The following TWIST2 variants were observed in gnomAD, a reference collection of about 807,000 sequenced individuals.
The protein encoded by TWIST2 is twist-related protein 2.
Under a neutral mutation model 11.6 loss-of-function variants are expected in TWIST2, and 1 was observed. The observed-to-expected ratio is 0.09, with a 90% CI of 0.03 to 0.41. TWIST2 has a LOEUF of 0.41. TWIST2 is among the 10% of genes least tolerant of loss of function. TWIST2 has a pLI of 0.98. For synonymous variants in TWIST2, 87 were observed against 96.6 expected (o/e 0.90, Z 0.58); for missense variants, 168 against 226.4 (o/e 0.74, Z 1.66).
chr2:238,883,460 A>T (rs914947699), intron 1 of TWIST2, among the ~76,000 whole-genome samples: 20 of 152,166 alleles, frequency 1.3e-4, no homozygotes, highest in African/African-American at 4.6e-4. Flanking sequence ...TAAACAGGAA[A>T]AATAAGGGAA....
intron 1 of TWIST2, among the ~76,000 whole-genome samples, chr2:238,862,059 GAAC>G (rs1692445777): frequency 6.6e-6 from 1 of 152,184 alleles, no homozygotes; most frequent in African/African-American, 2.4e-5. Flanking sequence ...GCTGTGGACG[GAAC>G]ACCACAACCA....
intron 1 of TWIST2, among the ~76,000 whole-genome samples, chr2:238,894,725 C>T (rs1337781725): frequency 6.6e-6 from 1 of 152,152 alleles, no homozygotes; most frequent in African/African-American, 2.4e-5. Flanking sequence ...TGCCTGTGCC[C>T]ACGAGGCCCT....
chr2:238,864,252 C>T lies in TWIST2; in HGVS notation c.*35+15519C>T, dbSNP rs866464368. On this transcript the variant is annotated intron_variant, in intron 1 of 1. Transcript: ENST00000612363. The surrounding 1 kb of genome is among the most constrained non-coding windows in gnomAD (Gnocchi z 4.7). Reference sequence around the variant, plus strand: ...GTATCCTCTCTTCTCCACATTACACCCCAAGCACGCGACTGTGAGCGGCGA... The same window carrying T: ...GTATCCTCTCTTCTCCACATTACACTCCAAGCACGCGACTGTGAGCGGCGA... 1.3e-5 allele frequency among the ~76,000 whole-genome samples: 2 copies of T among 152,178 alleles called. No homozygotes were observed. Among genetic ancestry groups the T allele is most frequent in the Non-Finnish European group, 2.9e-5 (2 of 68,036 alleles).
chr2:238,862,524 A>G (rs1337964077), intron 1 of TWIST2, among the ~76,000 whole-genome samples: 1 of 152,228 alleles, frequency 6.6e-6, no homozygotes, highest in Non-Finnish European at 1.5e-5. Flanking sequence ...ATTTTTTATT[A>G]AATTGGAAAA....
At chr2:238,870,040 C>T (rs1692618167) in intron 1 of TWIST2, among the ~76,000 whole-genome samples, 1 of 145,512 alleles carries the variant, frequency 6.9e-6, no homozygotes, top group Admixed American at 6.9e-5. Context: ...CTATAGAAGA[C>T]AGTACGGAGG....
chr2:238,897,838 A>G (rs1693223684), intron 1 of TWIST2, among the ~76,000 whole-genome samples: 1 of 152,198 alleles, frequency 6.6e-6, no homozygotes, highest in Non-Finnish European at 1.5e-5. Context: ...TTGGTGGCCA[A>G]TGGTCTCTTT....
At position 238,866,869 on chromosome 2, in the gene TWIST2, C is replaced by T. The variant is rs954394147; in HGVS notation, c.*35+18136C>T. Among the ~76,000 whole-genome samples, 5 of 152,100 alleles carry T rather than the reference C, an allele frequency of 3.3e-5. No individual in the cohort carries two copies. The highest frequency in any genetic ancestry group is 6.5e-5 in the Admixed American group (1 of 15,268). Reference sequence around the variant, plus strand: ...GCGACGGTTTGTCTGCCTGTCACCCCGGGAGCACCTTCAGGACTGTGTCCT... The same window carrying T: ...GCGACGGTTTGTCTGCCTGTCACCCTGGGAGCACCTTCAGGACTGTGTCCT... On this transcript the variant is annotated intron_variant, in intron 1 of 1. Transcript: ENST00000612363. The surrounding 1 kb of genome is among the most constrained non-coding windows in gnomAD (Gnocchi z 4.9).
At chr2:238,854,591 T>C (rs1008269248) in intron 1 of TWIST2, among the ~76,000 whole-genome samples, 3 of 152,204 alleles carry the variant, frequency 2.0e-5, no homozygotes, top group African/African-American at 7.2e-5. Context: ...ATCCTTTTGC[T>C]CTCTTCCCCG....
At chr2:238,873,971 T>G (rs1692759144) in intron 1 of TWIST2, among the ~76,000 whole-genome samples, 1 of 152,106 alleles carries the variant, frequency 6.6e-6, no homozygotes, top group Non-Finnish European at 1.5e-5. Context: ...TGATCCATGT[T>G]CCATCAAGGA....
chr2:238,880,274 C>T (rs371096786), intron 1 of TWIST2, among the ~76,000 whole-genome samples: 93 of 116,352 alleles, frequency 8.0e-4, no homozygotes, highest in East Asian at 4.9e-3. Flanking sequence ...AGTGTTAGTA[C>T]TAGTATTTAT....
intron 1 of TWIST2, among the ~76,000 whole-genome samples, chr2:238,878,397 A>T (rs987339634): frequency 2.6e-5 from 4 of 152,188 alleles, no homozygotes; most frequent in Non-Finnish European, 5.9e-5. Flanking sequence ...GCCACCAGAG[A>T]GTATAAACGC....
rs547732961 is a variant in TWIST2, at chr2:238,874,416, C to A, written c.*35+25683C>A. ...ATGTCCAATTTAGTTACTTAAGGCT[C>A]TTCTTTTGCAAAAGAATAGAAAGAA... On this transcript the variant is annotated intron_variant, in intron 1 of 1. Transcript: ENST00000612363. Among the ~76,000 whole-genome samples, 11 of 151,898 alleles carry A rather than the reference C, an allele frequency of 7.2e-5. No individual in the cohort carries two copies. In the East Asian group the frequency reaches 2.1e-3, roughly 29 times the overall value.
intron 1 of TWIST2, among the ~76,000 whole-genome samples, chr2:238,879,382 A>T (rs911102907): frequency 1.3e-5 from 2 of 152,150 alleles, no homozygotes; most frequent in African/African-American, 2.4e-5. Context: ...CGTGATTATT[A>T]ATAGTGCCCC....
At chr2:238,894,402 C>G (rs1693182610) in intron 1 of TWIST2, among the ~76,000 whole-genome samples, 1 of 152,194 alleles carries the variant, frequency 6.6e-6, no homozygotes, top group Non-Finnish European at 1.5e-5. Flanking sequence ...CCTTGCCACC[C>G]CCACACTCAG....
At chr2:238,905,025 GAAGT>G (rs1328834699) in intron 1 of TWIST2, among the ~76,000 whole-genome samples, 4 of 150,314 alleles carry the variant, frequency 2.7e-5, no homozygotes, top group Non-Finnish European at 5.9e-5. Context: ...AAGGAAGAAA[GAAGT>G]AGGTAGGTGG....
intron 1 of TWIST2, among the ~76,000 whole-genome samples, chr2:238,885,641 G>A (rs1693020876): frequency 6.6e-6 from 1 of 152,136 alleles, no homozygotes; most frequent in Non-Finnish European, 1.5e-5. Flanking sequence ...CAAGAGTCCT[G>A]CAAGCCACAT....
chr2:238,870,559 C>CAA (rs1692657703), intron 1 of TWIST2, among the ~76,000 whole-genome samples: 2 of 122,222 alleles, frequency 1.6e-5, no homozygotes, highest in Non-Finnish European at 1.7e-5. Flanking sequence ...ACCCCACACA[C>CAA]ACCACACACC....
intron 1 of TWIST2, among the ~76,000 whole-genome samples, chr2:238,905,849 G>A (rs1289768332): frequency 9.4e-5 from 4 of 42,426 alleles, no homozygotes; most frequent in Middle Eastern, 0.015. Flanking sequence ...AAGTGTGTGT[G>A]TGTGTGCGTG....
rs907325201 is a variant in TWIST2, at chr2:238,864,514, T to C, written c.*35+15781T>C. On this transcript the variant is annotated intron_variant, in intron 1 of 1. Transcript: ENST00000612363. The surrounding 1 kb of genome is among the most constrained non-coding windows in gnomAD (Gnocchi z 4.7). ...AGCAGAGTGCAGGGTTGGAGGCGGC[T>C]CCCAGTTCCAAGGCGCGCCCCACCC... 6.6e-6 allele frequency among the ~76,000 whole-genome samples: 1 copy of C among 151,218 alleles called. No individual in the cohort carries two copies. Among genetic ancestry groups the C allele is most frequent in the Non-Finnish European group, 1.5e-5 (1 of 67,802 alleles).
Sources: allele counts gnomAD v4.1 joint callset (sites outside exome capture counted in the v4.1 genomes callset), GRCh38; gene constraint gnomAD v4.1.1; non-coding constraint Gnocchi (gnomAD v3.1); transcripts MANE v1.5; gene names NCBI Gene and HGNC (gene_info 2026-07-23, HGNC 2026-07-21).